The following ZMYM4 variants were observed in gnomAD, a reference collection of about 807,000 sequenced individuals.
ZMYM4 encodes zinc finger MYM-type containing 4, also known as zinc finger MYM-type protein 4.
Under a neutral mutation model 183.2 loss-of-function variants are expected in ZMYM4, and 31 were observed. The ratio of observed to expected loss-of-function variants is 0.17; its 90% CI spans 0.13 to 0.23. ZMYM4 has a LOEUF of 0.23. Among genes scored for constraint, ZMYM4 ranks in the 10% least tolerant of loss-of-function variants. The pLI is 1.00. For missense variants in ZMYM4, 1,273 were observed against 1,840.3 expected (o/e 0.69, Z 5.64); for synonymous variants, 592 against 631.2 (o/e 0.94, Z 0.93).
At chr1:35,384,568 T>A (rs1051925852) in intron 9 of ZMYM4, among the ~76,000 whole-genome samples, 1 of 152,152 alleles carries the variant, frequency 6.6e-6, no homozygotes, top group Non-Finnish European at 1.5e-5. Flanking sequence ...TGTGATGATA[T>A]CCCAGGTTTG....
rs1558149626 is a variant in ZMYM4 at position 35,389,767 on chromosome 1, A to AT, written c.2437-181_2437-180insT. On this transcript the variant is annotated intron_variant, in intron 14 of 29. Transcript: ENST00000314607. This position sits in a 1 kb window ranked among gnomAD's most constrained non-coding sequence, Gnocchi z 4.0. ...AAGGCTCTGTCTCAAAAAAAAAAAAAAATATATATATATATGTGTGTGTGT... is the reference window on the plus strand; with the variant it reads ...AAGGCTCTGTCTCAAAAAAAAAAAAATAATATATATATATATGTGTGTGTGT... Among the ~76,000 whole-genome samples the AT allele has an allele frequency of 7.5e-4, 99 of 131,516 alleles. No individual in the cohort carries two copies. Among genetic ancestry groups the AT allele is most frequent in the Admixed American group, 4.1e-3 (54 of 13,316 alleles). The allele number at this position is 131,516 out of a possible 152,430, so 86.3% of individuals were successfully genotyped here.
intron 2 of ZMYM4, among the ~76,000 whole-genome samples, chr1:35,350,239 A>AG (rs1255219618): frequency 1.3e-5 from 2 of 151,748 alleles, no homozygotes; most frequent in African/African-American, 4.8e-5. Flanking sequence ...AAAAAAAAAA[A>AG]AAAGTAGCAA....
chr1:35,269,340 T>TGGGGTGGGATATCTAGGCCC (rs1165461616), intron 1 of ZMYM4, among the ~76,000 whole-genome samples: 4 of 151,806 alleles, frequency 2.6e-5, no homozygotes, highest in Non-Finnish European at 5.9e-5. Context: ...TCCCCAGCAC[T>TGGGGTGGGATATCTAGGCCC]GGGGTGGGAT....
intron 5 of ZMYM4, among the ~76,000 whole-genome samples, chr1:35,368,712 A>C (rs1278141989): frequency 6.6e-6 from 1 of 152,166 alleles, no homozygotes; most frequent in Non-Finnish European, 1.5e-5. Flanking sequence ...GATAATCCTA[A>C]ATATGGGAGT....
intron 1 of ZMYM4, among the ~76,000 whole-genome samples, chr1:35,291,634 C>CTTT (rs1296107892): frequency 5.4e-5 from 7 of 129,334 alleles, no homozygotes; most frequent in Non-Finnish European, 8.3e-5. Context: ...GTGATTGTTA[C>CTTT]TTTTTTTTTT....
intron 23 of ZMYM4, 117 bp from the exon 24 acceptor site, chr1:35,404,906 G>A (rs1476886500): frequency 1.0e-6 from 1 of 985,314 alleles, no homozygotes; most frequent in Non-Finnish European, 1.5e-6. Context: ...GAATCTTTAG[G>A]ATATAAAACT....
At chr1:35,380,393 T>C (rs1465258498) in intron 7 of ZMYM4, among the ~76,000 whole-genome samples, 1 of 152,190 alleles carries the variant, frequency 6.6e-6, no homozygotes, top group African/African-American at 2.4e-5. Context: ...AGTGGCACAA[T>C]CTTGGCTTAC....
intron 2 of ZMYM4, among the ~76,000 whole-genome samples, chr1:35,335,498 G>T (rs2182907): frequency 0.75 from 113,406 of 152,000 alleles, 47,681 homozygotes; most frequent in Non-Finnish European, 0.97. Context: ...CCTCTGCCTC[G>T]CAAATGCTGG....
chr1:35,306,538 C>G (rs1641541695), intron 1 of ZMYM4, among the ~76,000 whole-genome samples: 1 of 151,992 alleles, frequency 6.6e-6, no homozygotes, highest in South Asian at 2.1e-4. Context: ...GTTTTTTGGT[C>G]TTTACTTACT....
At chr1:35,388,468 G>T (rs1211328482) in intron 13 of ZMYM4, among the ~76,000 whole-genome samples, 1 of 152,238 alleles carries the variant, frequency 6.6e-6, no homozygotes, top group Non-Finnish European at 1.5e-5. Context: ...GCCTCCCAGA[G>T]TGCTGGGATT....
At position 35,298,848 on chromosome 1, in the gene ZMYM4, G is replaced by A. The variant is rs570437275; in HGVS notation, c.40-26512G>A. On this transcript the variant is annotated intron_variant, in intron 1 of 29. Coordinates refer to ENST00000314607, the MANE Select transcript of ZMYM4 (RefSeq NM_005095.3). ...TTTGGAGTTGAGAGGCAATCCATTTGTAACTGGTGAGAACCCACATAGTTA... is the reference window on the plus strand; with the variant it reads ...TTTGGAGTTGAGAGGCAATCCATTTATAACTGGTGAGAACCCACATAGTTA... 8.5e-5 allele frequency among the ~76,000 whole-genome samples: 13 copies of A among 152,282 alleles called. 2 individuals carry two copies. Among genetic ancestry groups the A allele is most frequent in the African/African-American group, 2.6e-4 (11 of 41,554 alleles).
At chr1:35,282,303 C>G (rs528939) in intron 1 of ZMYM4, among the ~76,000 whole-genome samples, 3,670 of 152,270 alleles carry the variant, frequency 0.024, 143 homozygotes, top group African/African-American at 0.079. Flanking sequence ...TTTTGTAAGT[C>G]TCTTTGCCCC....
At chr1:35,274,744 A>T (rs184806965) in intron 1 of ZMYM4, among the ~76,000 whole-genome samples, 105 of 151,782 alleles carry the variant, frequency 6.9e-4, no homozygotes, top group Admixed American at 6.6e-4. Flanking sequence ...ACTTGGTATT[A>T]TAAACCCTTA....
In ZMYM4 at chr1:35,352,927, C is replaced by T. The variant is rs575101767; in HGVS notation, c.86-5998C>T. Among the ~76,000 whole-genome samples the T allele has an allele frequency of 2.0e-5, 3 of 152,256 alleles. No individual in the cohort carries two copies. The East Asian group carries it at 5.8e-4, about 29-fold the overall frequency. ...CCCAAATTTATGTCTCATTTCTTGG[C>T]CAGTCTTCTCTTAACTACAGGCTAA... On this transcript the variant is annotated intron_variant, in intron 2 of 29. Transcript: ENST00000314607.
intron 1 of ZMYM4, among the ~76,000 whole-genome samples, chr1:35,305,088 T>C (rs1364981410): frequency 5.9e-5 from 9 of 152,136 alleles, no homozygotes; most frequent in South Asian, 4.1e-4. Flanking sequence ...TCGTGATCCA[T>C]CCGCCTTGGC....
intron 12 of ZMYM4, 58 bp downstream of exon 12, chr1:35,387,336 T>C: frequency 6.3e-7 from 1 of 1,586,110 alleles, no homozygotes; most frequent in South Asian, 1.1e-5. Flanking sequence ...ATTTGTAAAA[T>C]TATTTTTAAC....
Position 35,418,360 on chromosome 1 carries a change from C to A in ZMYM4, c.4310-83C>A. The A allele has an allele frequency of 2.7e-6, 4 of 1,469,756 alleles. No individual in the cohort carries two copies. In the South Asian group the frequency reaches 3.9e-5, roughly 14 times the overall value. 91.0% of individuals were successfully genotyped at this position (1,469,756 alleles called of 1,614,324 possible). A position where few individuals can be genotyped will look rare whatever the true frequency, so the allele number is the denominator to read the frequency against. On this transcript the variant is annotated intron_variant, in intron 28 of 29. Transcript: ENST00000314607. Reference sequence around the variant, plus strand: ...GGAGGAAATGACAAAGTTCTGGCTGCGAAGCAAAGCTCATTGGTGTCTTGA... The same window carrying A: ...GGAGGAAATGACAAAGTTCTGGCTGAGAAGCAAAGCTCATTGGTGTCTTGA...
chr1:35,327,883 T>C (rs1642571486), intron 2 of ZMYM4, among the ~76,000 whole-genome samples: 1 of 152,230 alleles, frequency 6.6e-6, no homozygotes, highest in African/African-American at 2.4e-5. Flanking sequence ...TTGAATCTCA[T>C]GTTCATCTTT....
At chr1:35,390,737 C>T (rs764933642) in intron 15 of ZMYM4, among the ~76,000 whole-genome samples, 5 of 152,152 alleles carry the variant, frequency 3.3e-5, no homozygotes, top group African/African-American at 4.8e-5. Flanking sequence ...ATCAAATAAA[C>T]TCTGTAAGAA....
Sources: gnomAD v4.1 joint callset for allele counts (sites outside exome capture counted in the v4.1 genomes callset) on GRCh38, gnomAD v4.1.1 for gene constraint, Gnocchi (gnomAD v3.1) non-coding constraint, MANE v1.5 for transcripts, NCBI Gene and HGNC (gene_info 2026-07-23, HGNC 2026-07-21) for gene names.